Variants in SNX29 observed in about 807,000 individuals in gnomAD.
The protein encoded by SNX29 is sorting nexin-29.
Under a neutral mutation model 102.1 loss-of-function variants are expected in SNX29, and 78 were observed. The observed-to-expected ratio is 0.76, with a 90% CI of 0.64 to 0.92. The LOEUF is 0.92. Ranked by LOEUF, SNX29 falls within the 40% of genes least tolerant of loss-of-function variation. SNX29 has a pLI of 0.00. For missense variants in SNX29, 1,280 were observed against 1,061.7 expected, an observed-to-expected ratio of 1.21 and a Z score of -2.86; for synonymous variants, 580 against 414.5, an observed-to-expected ratio of 1.40 and a Z score of -4.85.
chr16:12,176,702 G>GGT, intron 13 of SNX29, among the ~76,000 whole-genome samples: 1 of 152,266 alleles, frequency 6.6e-6, no homozygotes, highest in Middle Eastern at 3.4e-3. Context: ...TGGTATGTGA[G>GGT]GTGGGTCCTG....
intron 18 of SNX29, among the ~76,000 whole-genome samples, chr16:12,451,972 C>T (rs1051807470): frequency 3.9e-5 from 6 of 152,242 alleles, no homozygotes; most frequent in African/African-American, 1.4e-4. Context: ...GGATAAGCAG[C>T]TTGAGCCATA....
At chr16:12,006,472 C>G (rs1023420871) in intron 3 of SNX29, among the ~76,000 whole-genome samples, 1 of 147,830 alleles carries the variant, frequency 6.8e-6, no homozygotes, top group Non-Finnish European at 1.5e-5. Context: ...GCCGAGATTG[C>G]GCCATTGCGT....
chr16:12,456,418 C>T (rs1354153527), intron 18 of SNX29, among the ~76,000 whole-genome samples: 1 of 152,064 alleles, frequency 6.6e-6, no homozygotes, highest in African/African-American at 2.4e-5. Flanking sequence ...GCTCATTATA[C>T]CAAATGCTGT....
intron 3 of SNX29, among the ~76,000 whole-genome samples, chr16:12,004,237 AG>A (rs1161535626): frequency 6.6e-6 from 1 of 151,572 alleles, no homozygotes; most frequent in Non-Finnish European, 1.5e-5. Context: ...GCTACTTGGG[AG>A]ACTGAGGCAG....
At chr16:12,324,751 C>T (rs1186133366) in intron 15 of SNX29, among the ~76,000 whole-genome samples, 1 of 152,082 alleles carries the variant, frequency 6.6e-6, no homozygotes, top group Non-Finnish European at 1.5e-5. Flanking sequence ...GTGCCATGAA[C>T]ACAGCTCAGA....
At chr16:12,480,234 C>T (rs185914077) in intron 19 of SNX29, among the ~76,000 whole-genome samples, 4 of 152,264 alleles carry the variant, frequency 2.6e-5, no homozygotes, top group Admixed American at 1.3e-4. Context: ...CCAAAATGAG[C>T]GTCACAGAGC....
intron 11 of SNX29, chr16:12,089,824 CA>C: frequency 2.5e-6 from 1 of 396,256 alleles, no homozygotes; most frequent in Non-Finnish European, 5.0e-6. Context: ...GCACACTCAG[CA>C]GTGCGTTCCT....
chr16:12,343,010 A>G (rs1457048106), intron 15 of SNX29, among the ~76,000 whole-genome samples: 1 of 152,226 alleles, frequency 6.6e-6, no homozygotes, highest in Non-Finnish European at 1.5e-5. Context: ...AAGGAAAACA[A>G]CATTTTGATG....
At chr16:12,505,159 G>A (rs2089315499) in intron 19 of SNX29, among the ~76,000 whole-genome samples, 1 of 152,194 alleles carries the variant, frequency 6.6e-6, no homozygotes, top group African/African-American at 2.4e-5. Context: ...ATGTTTTTGG[G>A]TGGACAAACG....
chr16:12,315,508 G>A (rs995215823), intron 15 of SNX29, among the ~76,000 whole-genome samples: 3 of 152,176 alleles, frequency 2.0e-5, no homozygotes, highest in African/African-American at 4.8e-5. Context: ...CAGTGTGAAT[G>A]TATATGGAGA....
chr16:12,139,294 TG>T (rs375915768), intron 13 of SNX29, among the ~76,000 whole-genome samples: 163 of 150,238 alleles, frequency 1.1e-3, no homozygotes, highest in African/African-American at 3.8e-3. Context: ...ATACGCTTCA[TG>T]GGAGTAGGTA....
At chr16:12,525,135 A>G (rs989753013) in intron 20 of SNX29, among the ~76,000 whole-genome samples, 2 of 152,172 alleles carry the variant, frequency 1.3e-5, no homozygotes, top group Admixed American at 6.5e-5. Flanking sequence ...TCAAGGGAAG[A>G]TTAATTTTCT....
At chr16:12,246,354 A>C (rs1451918194) in intron 14 of SNX29, among the ~76,000 whole-genome samples, 2 of 151,986 alleles carry the variant, frequency 1.3e-5, no homozygotes, top group East Asian at 3.9e-4. Context: ...AAAAAAAGAA[A>C]CATTGGCCAG....
chr16:12,335,713 A>G (rs1167710778), intron 15 of SNX29, among the ~76,000 whole-genome samples: 1 of 151,854 alleles, frequency 6.6e-6, no homozygotes, highest in Non-Finnish European at 1.5e-5. Flanking sequence ...TCATGATGAG[A>G]GCAGCCAATG....
chr16:12,322,494 T>C lies in SNX29; in HGVS notation c.1783-33669T>C, dbSNP rs138287594. Among the ~76,000 whole-genome samples the C allele has an allele frequency of 2.8e-3, 420 of 152,322 alleles. 2 individuals are homozygous for C. The highest frequency in any genetic ancestry group is 9.5e-3 in the African/African-American group (393 of 41,576). On this transcript the variant is annotated intron_variant, in intron 15 of 20. Transcript: ENST00000566228. ...AAAAGAATTGTGGGTTACTGCAATA[T>C]ACATTTGTTTGTTTGTAGTGTACAT...
chr16:12,540,145 C>G (rs1034687364), intron 20 of SNX29, among the ~76,000 whole-genome samples: 5 of 152,194 alleles, frequency 3.3e-5, no homozygotes, highest in African/African-American at 7.2e-5. Context: ...AGTTTTATAG[C>G]TTTACATTTT....
intron 6 of SNX29, among the ~76,000 whole-genome samples, chr16:12,046,833 G>A (rs1197954106): frequency 6.6e-6 from 1 of 152,130 alleles, no homozygotes; most frequent in South Asian, 2.1e-4. Context: ...TGGTCAGGCC[G>A]GTCTCGAAAT....
At chr16:12,334,901 C>CTTTTTTTTT (rs36176543) in intron 15 of SNX29, among the ~76,000 whole-genome samples, 5,817 of 93,174 alleles carry the variant, frequency 0.062, 288 homozygotes, top group Admixed American at 0.11. Flanking sequence ...GCCCCAGAGC[C>CTTTTTTTTT]TTTTTTTTTT....
intron 15 of SNX29, among the ~76,000 whole-genome samples, chr16:12,346,028 A>G (rs937842095): frequency 1.3e-5 from 2 of 152,182 alleles, no homozygotes; most frequent in African/African-American, 4.8e-5. Context: ...TCCTAGTATT[A>G]TTTTGAAGCA....
Sources: gnomAD v4.1 joint callset for allele counts (sites outside exome capture counted in the v4.1 genomes callset) on GRCh38, gnomAD v4.1.1 for gene constraint, MANE v1.5 for transcripts, NCBI Gene and HGNC (gene_info 2026-07-23, HGNC 2026-07-21) for gene names.